The following KCNT1 variants were observed in gnomAD, a reference collection of about 807,000 sequenced individuals.
The protein encoded by KCNT1 is potassium sodium-activated channel subfamily T member 1, also known as potassium channel subfamily T member 1.
KCNT1 carries 78 observed loss-of-function variants against 147.8 expected under a neutral mutation model. The ratio of observed to expected loss-of-function variants is 0.53; its 90% CI spans 0.44 to 0.64. The LOEUF (loss-of-function observed/expected upper bound fraction) is 0.64, where lower values mean the gene tolerates loss of function less well. KCNT1 is among the 30% of genes least tolerant of loss of function. The pLI is 0.00. For synonymous variants in KCNT1, 867 were observed against 748.8 expected, an observed-to-expected ratio of 1.16 and a Z score of -2.58; for missense variants, 1,419 against 1,750.3, an observed-to-expected ratio of 0.81 and a Z score of 3.38.
chr9:135,785,550 G>C, intron 28 of KCNT1: 1 of 660,752 alleles, frequency 1.5e-6, no homozygotes, highest in South Asian at 1.8e-5. Flanking sequence ...GCTGAGGCCT[G>C]GGGGGAGTAG....
At chr9:135,739,443 C>T (rs1830470373) in intron 2 of KCNT1, among the ~76,000 whole-genome samples, 1 of 152,000 alleles carries the variant, frequency 6.6e-6, no homozygotes, top group Non-Finnish European at 1.5e-5. Context: ...CCTGAGCCCC[C>T]CGACCCCGGA....
intron 2 of KCNT1, among the ~76,000 whole-genome samples, chr9:135,720,893 C>T (rs1835898459): frequency 6.6e-6 from 1 of 152,230 alleles, no homozygotes; most frequent in Admixed American, 6.5e-5. Flanking sequence ...CCCAGGTCCC[C>T]ATGTGACAGA....
chr9:135,712,444 G>A (rs939868174), intron 1 of KCNT1, among the ~76,000 whole-genome samples: 21 of 152,136 alleles, frequency 1.4e-4, no homozygotes, highest in Middle Eastern at 3.2e-3. Flanking sequence ...AAGAGGGGGT[G>A]CAGAATTCGA....
intron 1 of KCNT1, among the ~76,000 whole-genome samples, chr9:135,709,563 G>A (rs1462405293): frequency 6.6e-6 from 1 of 152,194 alleles, no homozygotes; most frequent in Non-Finnish European, 1.5e-5. Context: ...AACCACAGCC[G>A]ATCACTGGCG....
In KCNT1 at chr9:135,778,911, G is replaced by A. The variant is rs540073364; in HGVS notation, c.2729+89G>A. The stretch of plus-strand genomic sequence containing the variant: ...CTGAGACCCCCACAGCCACGACCAC[G>A]GGCCCTCGCCCTGAGACCCCCACAG... On this transcript the variant is annotated intron_variant, in intron 23 of 30. Transcript: ENST00000371757. 1.7e-4 allele frequency: 242 copies of A among 1,435,236 alleles called. 5 individuals carry two copies. The African/African-American group carries it at 3.5e-3, about 21-fold the overall frequency. The allele number at this position is 1,435,236 out of a possible 1,614,324, so 88.9% of individuals were successfully genotyped here.
At chr9:135,757,793 C>T (rs1238718469) in intron 9 of KCNT1, among the ~76,000 whole-genome samples, 1 of 152,176 alleles carries the variant, frequency 6.6e-6, no homozygotes, top group Non-Finnish European at 1.5e-5. Flanking sequence ...GCAGGCCCTG[C>T]TCTGAGTGTC....
chr9:135,720,045 G>A (rs1031360614), intron 2 of KCNT1, among the ~76,000 whole-genome samples: 12 of 152,284 alleles, frequency 7.9e-5, no homozygotes, highest in Admixed American at 5.9e-4. Flanking sequence ...ACGGGGCAGC[G>A]GGCCTGCGTG....
At chr9:135,705,149 G>A (rs1226877314) in intron 1 of KCNT1, among the ~76,000 whole-genome samples, 1 of 152,232 alleles carries the variant, frequency 6.6e-6, no homozygotes, top group African/African-American at 2.4e-5. Flanking sequence ...GGCAGTAGTG[G>A]GGCCTTGCTG....
Position 135,777,527 on chromosome 9 carries a change from T to TCAGCCCACC in KCNT1, c.2522+19_2522+27dup. 1 of 1,608,856 alleles carries TCAGCCCACC rather than the reference T, an allele frequency of 6.2e-7. No homozygotes were observed. The highest frequency in any genetic ancestry group is 8.5e-7 in the Non-Finnish European group (1 of 1,178,200). ...GGACAACAAGTGAGGCTCCTGGGGC[T>TCAGCCCACC]CAGCCCACCCCGCCCACCCGGGCCC... On this transcript the variant is annotated intron_variant, in intron 21 of 30. Transcript: ENST00000371757.
chr9:135,768,519 A>C, intron 13 of KCNT1, 91 bp from the exon 14 acceptor site: 1 of 932,384 alleles, frequency 1.1e-6, no homozygotes, highest in Non-Finnish European at 1.7e-6. Context: ...GCCTCCTCCC[A>C]GAGGAGGTCC....
chr9:135,790,515 CCGGAGCTGCCCTGGT>C (rs1369799566), intron 29 of KCNT1: 1 of 152,432 alleles, frequency 6.6e-6, no homozygotes, highest in Non-Finnish European at 1.5e-5. Context: ...GGTCTCCTGG[CCGGAGCTGCCCTGGT>C]CGCCCCCAAG....
intron 2 of KCNT1, among the ~76,000 whole-genome samples, chr9:135,721,058 C>T (rs543757543): frequency 1.3e-5 from 2 of 152,256 alleles, no homozygotes; most frequent in South Asian, 2.1e-4. Context: ...GAGGAGGAGT[C>T]GGGGAACCAT....
At chr9:135,774,387 T>G (rs1832987071) in intron 19 of KCNT1, among the ~76,000 whole-genome samples, 1 of 146,258 alleles carries the variant, frequency 6.8e-6, no homozygotes, top group African/African-American at 2.6e-5. Context: ...GTGTGTTGCG[T>G]ATGTTGTGTG....
intron 2 of KCNT1, among the ~76,000 whole-genome samples, chr9:135,728,873 C>G (rs764891582): frequency 2.6e-5 from 4 of 152,188 alleles, no homozygotes; most frequent in African/African-American, 4.8e-5. Context: ...ACCCTACCCC[C>G]GGGATTGTGA....
intron 3 of KCNT1, chr9:135,750,476 A>G: frequency 2.0e-6 from 1 of 503,788 alleles, no homozygotes. Context: ...GACCATCCAT[A>G]GGTGCCAGCA....
rs116849269 is a variant in KCNT1 at position 135,743,661 on chromosome 9, G to A, written c.255-6437G>A. 3.5e-3 allele frequency among the ~76,000 whole-genome samples: 530 copies of A among 152,324 alleles called. 19 individuals carry two copies. The highest frequency in any genetic ancestry group is 0.028 in the Admixed American group (426 of 15,308). ...CCCACCCCAGGCTCCCGAGGAGTCGGGTCTCAGACCTGTGGAGGAAATGGA... is the reference window on the plus strand; with the variant it reads ...CCCACCCCAGGCTCCCGAGGAGTCGAGTCTCAGACCTGTGGAGGAAATGGA... On this transcript the variant is annotated intron_variant, in intron 2 of 30. Coordinates refer to ENST00000371757, the MANE Select transcript of KCNT1 (RefSeq NM_020822.3).
At chr9:135,784,946 A>G in intron 27 of KCNT1, 57 bp downstream of exon 27, 2 of 1,582,954 alleles carry the variant, frequency 1.3e-6, no homozygotes, top group South Asian at 1.1e-5. Context: ...TGTGACCCAC[A>G]GCATCCCCAC....
chr9:135,765,267 CTGCT>C, intron 12 of KCNT1, 72 bp downstream of exon 12: 1 of 1,443,820 alleles, frequency 6.9e-7, no homozygotes, highest in Non-Finnish European at 9.6e-7. Context: ...CTCCCCAGGA[CTGCT>C]TGGCAAGTCC....
intron 24 of KCNT1, among the ~76,000 whole-genome samples, chr9:135,781,035 G>A (rs961514713): frequency 7.9e-5 from 12 of 152,204 alleles, no homozygotes; most frequent in East Asian, 1.9e-4. Context: ...GGCAGCCATC[G>A]CCAATCACCC....
Sources: gnomAD v4.1 joint callset for allele counts (sites outside exome capture counted in the v4.1 genomes callset) on GRCh38, gnomAD v4.1.1 for gene constraint, MANE v1.5 for transcripts, NCBI Gene and HGNC (gene_info 2026-07-23, HGNC 2026-07-21) for gene names.